ARHGAP8: variants seen among roughly 807,000 people sequenced by gnomAD.
ARHGAP8 encodes rho GTPase-activating protein 8.
In ARHGAP8, 62 loss-of-function variants were observed where a neutral mutation model predicts 46.1. The ratio of observed to expected loss-of-function variants is 1.34; its 90% CI spans 1.10 to 1.66. The LOEUF (loss-of-function observed/expected upper bound fraction) is 1.66, where lower values mean the gene tolerates loss of function less well. ARHGAP8 is among the 40% of genes most tolerant of loss of function. The probability of loss-of-function intolerance (pLI) is 0.00; values close to 1 mark genes in which losing one functional copy is unlikely to be tolerated. For synonymous variants in ARHGAP8, 375 were observed against 243.1 expected (o/e 1.54, Z -5.05); for missense variants, 923 against 568.4 (o/e 1.62, Z -6.34).
rs946821556 is a variant in ARHGAP8, at chr22:44,845,261, T to G, written c.597-8T>G. On this transcript the variant is annotated splice_polypyrimidine_tract_variant and splice_region_variant and intron_variant, in intron 7 of 11. Transcript: ENST00000356099. The stretch of plus-strand genomic sequence containing the variant: ...TAAAAACTGCGACTTTCTTTTCTGT[T>G]TTCTCAGCCTCAAAGACAAAAATCA... 2.5e-6 allele frequency: 4 copies of G among 1,614,090 alleles called. No individual in the cohort carries two copies. Among genetic ancestry groups the G allele is most frequent in the Middle Eastern group, 1.6e-4 (1 of 6,062 alleles).
At chr22:44,823,799 G>A (rs568998136) in intron 6 of ARHGAP8, among the ~76,000 whole-genome samples, 2 of 152,238 alleles carry the variant, frequency 1.3e-5, no homozygotes, top group East Asian at 1.9e-4. Context: ...ACGCAGCTCC[G>A]GCTTCTCAGT....
intron 10 of ARHGAP8, among the ~76,000 whole-genome samples, chr22:44,856,096 C>A (rs1173937653): frequency 1.3e-5 from 2 of 151,994 alleles, no homozygotes; most frequent in Non-Finnish European, 1.5e-5. Context: ...AGAGATGGTG[C>A]TAACCATTTA....
At chr22:44,843,852 A>G (rs1225875199) in intron 7 of ARHGAP8, among the ~76,000 whole-genome samples, 10 of 149,992 alleles carry the variant, frequency 6.7e-5, no homozygotes, top group Non-Finnish European at 1.2e-4. Context: ...AAAGGATGGG[A>G]TATGAGACTT....
chr22:44,763,643 G>A (rs1358067130), intron 1 of ARHGAP8, among the ~76,000 whole-genome samples: 1 of 152,060 alleles, frequency 6.6e-6, no homozygotes, highest in Non-Finnish European at 1.5e-5. Context: ...GAAGGACAGG[G>A]CATTTGTAGA....
chr22:44,842,263 A>G (rs1247612102), intron 7 of ARHGAP8, among the ~76,000 whole-genome samples: 1 of 152,222 alleles, frequency 6.6e-6, no homozygotes, highest in Non-Finnish European at 1.5e-5. Context: ...AGGCTGAGGC[A>G]GGAGAATTGC....
intron 7 of ARHGAP8, among the ~76,000 whole-genome samples, chr22:44,836,635 C>G (rs1055063021): frequency 6.6e-6 from 1 of 151,476 alleles, no homozygotes; most frequent in African/African-American, 2.4e-5. Context: ...CATCCAGGAC[C>G]TCCCTGGCTG....
chr22:44,858,828 C>T (rs1022396342), intron 10 of ARHGAP8, among the ~76,000 whole-genome samples: 1 of 150,974 alleles, frequency 6.6e-6, no homozygotes, highest in Non-Finnish European at 1.5e-5. Context: ...ATTTGTGGTG[C>T]TGAGAATCCT....
chr22:44,773,960 C>G (rs1926229500), intron 1 of ARHGAP8, among the ~76,000 whole-genome samples: 1 of 152,164 alleles, frequency 6.6e-6, no homozygotes, highest in Admixed American at 6.6e-5. Flanking sequence ...AGTCACATAC[C>G]AGGTACCATG....
intron 7 of ARHGAP8, among the ~76,000 whole-genome samples, chr22:44,835,377 T>C (rs1028763853): frequency 6.6e-6 from 1 of 152,084 alleles, no homozygotes; most frequent in African/African-American, 2.4e-5. Flanking sequence ...CTCAGCACTT[T>C]GGGAGGCCGA....
At position 44,862,738 on chromosome 22, in the gene ARHGAP8, T is replaced by A. The variant is rs933638576; in HGVS notation, c.*143T>A. 1 of 984,910 alleles carries A rather than the reference T, an allele frequency of 1.0e-6. No individual in the cohort carries two copies. The highest frequency in any genetic ancestry group is 1.4e-6 in the Non-Finnish European group (1 of 701,904). 61.0% of individuals were successfully genotyped at this position (984,910 alleles called of 1,614,324 possible). Reference sequence around the variant, plus strand: ...AATGAAAACTCCATGCCTCTGGTCCTTGGACTCTTGTCCATGGTTCCTGAG... The same window carrying A: ...AATGAAAACTCCATGCCTCTGGTCCATGGACTCTTGTCCATGGTTCCTGAG... On this transcript the variant is annotated 3_prime_UTR_variant, in exon 12 of 12. Transcript: ENST00000356099.
intron 11 of ARHGAP8, among the ~76,000 whole-genome samples, chr22:44,860,645 C>T (rs950237561): frequency 6.7e-6 from 1 of 150,282 alleles, no homozygotes; most frequent in Non-Finnish European, 1.5e-5. Context: ...TACTACACAC[C>T]AGGCTAAGCA....
intron 1 of ARHGAP8, among the ~76,000 whole-genome samples, chr22:44,761,665 T>C (rs138886069): frequency 1.1e-4 from 17 of 152,216 alleles, no homozygotes; most frequent in African/African-American, 3.1e-4. Context: ...GCTAAGAGTA[T>C]ATGGAGAGGG....
At chr22:44,801,726 G>A in intron 2 of ARHGAP8, 1 of 256,082 alleles carries the variant, frequency 3.9e-6, no homozygotes, top group South Asian at 6.5e-5. Flanking sequence ...GGAGGAGGAG[G>A]TAGAGTGGCT....
At chr22:44,862,222 T>G (rs931180437) in intron 11 of ARHGAP8, 53 bp from the exon 12 acceptor site, 13 of 1,528,782 alleles carry the variant, frequency 8.5e-6, no homozygotes, top group East Asian at 4.5e-5. Flanking sequence ...GAGTTCCAGG[T>G]GCCCGTGCCC....
chr22:44,859,708 C>G, intron 10 of ARHGAP8, 23 bp from the exon 11 acceptor site: 1 of 1,610,822 alleles, frequency 6.2e-7, no homozygotes, highest in Admixed American at 1.7e-5. Context: ...TGGAGCTCAG[C>G]AGGGAGCCCC....
intron 1 of ARHGAP8, among the ~76,000 whole-genome samples, chr22:44,762,543 C>CTT (rs11293128): frequency 9.1e-4 from 110 of 120,304 alleles, no homozygotes; most frequent in Non-Finnish European, 1.2e-3. Context: ...CTCTCTCTCT[C>CTT]TTTTTTTTTT....
intron 1 of ARHGAP8, among the ~76,000 whole-genome samples, chr22:44,778,568 G>GT (rs1287353372): frequency 1.3e-5 from 2 of 152,138 alleles, no homozygotes; most frequent in African/African-American, 4.8e-5. Flanking sequence ...GGATCAAATG[G>GT]TAGTTCTACG....
intron 7 of ARHGAP8, among the ~76,000 whole-genome samples, chr22:44,827,658 A>G (rs1424418376): frequency 6.6e-6 from 1 of 152,016 alleles, no homozygotes; most frequent in Non-Finnish European, 1.5e-5. Context: ...GTGTTGTTTT[A>G]AGCTACCAAG....
Position 44,814,716 on chromosome 22 carries a change from G to A in ARHGAP8, c.344G>A (p.Ser115Asn), listed in dbSNP as rs1929609095. Residue 115 changes from serine (S) to asparagine (N), a missense_variant, in exon 5 of 12, where the codon AGC becomes AAC. By Grantham distance (46) the Ser-to-Asn change is conservative (BLOSUM62 1). Coordinates refer to ENST00000356099, the MANE Select transcript of ARHGAP8 (RefSeq NM_181335.3). ...LKALYVVHPTSFIKVLWNILK... is the reference protein window; with the variant it reads ...LKALYVVHPTNFIKVLWNILK... ...GCCCTCTACGTGGTGCACCCCACCA[G>A]CTTCATCAAGGTCCTGTGGAACATC... 6.2e-7 allele frequency: 1 copy of A among 1,614,024 alleles called. No individual in the cohort carries two copies. Among genetic ancestry groups the A allele is most frequent in the Non-Finnish European group, 8.5e-7 (1 of 1,179,960 alleles).
Sources: gnomAD v4.1 joint callset for allele counts (sites outside exome capture counted in the v4.1 genomes callset) on GRCh38, gnomAD v4.1.1 for gene constraint, MANE v1.5 for transcripts, NCBI Gene and HGNC (gene_info 2026-07-23, HGNC 2026-07-21) for gene names.